CTNNA2: variants seen among roughly 807,000 people sequenced by gnomAD.
CTNNA2 encodes catenin alpha 2, also known as catenin alpha-2.
In CTNNA2, 42 loss-of-function variants were observed where a neutral mutation model predicts 101.0. The observed-to-expected ratio is 0.42, with a 90% CI of 0.32 to 0.54. CTNNA2 has a LOEUF of 0.54. Ranked by LOEUF, CTNNA2 falls within the 20% of genes least tolerant of loss-of-function variation. The pLI is 0.14. For synonymous variants in CTNNA2, 450 were observed against 456.4 expected (o/e 0.99, Z 0.18); for missense variants, 871 against 1,223.1 (o/e 0.71, Z 4.29).
chr2:80,279,771 G>T (rs1674218953), intron 7 of CTNNA2, among the ~76,000 whole-genome samples: 1 of 152,142 alleles, frequency 6.6e-6, no homozygotes, highest in Admixed American at 6.5e-5. Flanking sequence ...GTCAATGCAT[G>T]GAGATTTCTA....
intron 4 of CTNNA2, among the ~76,000 whole-genome samples, chr2:79,466,954 C>A (rs1470237195): frequency 6.6e-6 from 1 of 152,292 alleles, no homozygotes; most frequent in Non-Finnish European, 1.5e-5. Flanking sequence ...TCTGAAAATT[C>A]TAAAAATCAG....
intron 7 of CTNNA2, among the ~76,000 whole-genome samples, chr2:80,230,260 G>GTTTTTT (rs375509574): frequency 9.0e-5 from 11 of 121,624 alleles, no homozygotes; most frequent in African/African-American, 3.6e-4. Context: ...TTTTTTCTTT[G>GTTTTTT]TTTTTTTTTT....
intron 7 of CTNNA2, among the ~76,000 whole-genome samples, chr2:79,940,329 A>T (rs1688069157): frequency 6.6e-6 from 1 of 152,208 alleles, no homozygotes; most frequent in Non-Finnish European, 1.5e-5. Flanking sequence ...AAATTTTCTG[A>T]TGGAAAGGTT....
At chr2:79,541,422 A>ACG (rs1402845997) in intron 1 of CTNNA2, among the ~76,000 whole-genome samples, 5 of 48,582 alleles carry the variant, frequency 1.0e-4, no homozygotes, top group Non-Finnish European at 1.9e-4. Context: ...ACACACGCAC[A>ACG]CACACATATA....
chr2:79,897,997 C>T (rs1207414469), intron 6 of CTNNA2, among the ~76,000 whole-genome samples: 1 of 152,174 alleles, frequency 6.6e-6, no homozygotes, highest in East Asian at 1.9e-4. Flanking sequence ...AGCTATTAAA[C>T]GTGCCACCTC....
intron 7 of CTNNA2, chr2:80,313,606 T>TG (rs1558996947): frequency 3.7e-6 from 6 of 1,611,384 alleles, no homozygotes; most frequent in Non-Finnish European, 4.2e-6. Context: ...GCAAAGTCTG[T>TG]GAAAAAAATA....
chr2:79,755,242 G>A (rs776254251), intron 3 of CTNNA2, among the ~76,000 whole-genome samples: 1 of 152,204 alleles, frequency 6.6e-6, no homozygotes, highest in Non-Finnish European at 1.5e-5. Context: ...GAGGCAGGAG[G>A]ATAGCTTGAG....
intron 4 of CTNNA2, among the ~76,000 whole-genome samples, chr2:79,487,410 G>A (rs1424670715): frequency 6.6e-6 from 1 of 152,208 alleles, no homozygotes; most frequent in East Asian, 1.9e-4. Flanking sequence ...TGGCCTAAGT[G>A]GCTGGCTTGG....
chr2:80,226,354 A>G (rs936241804), intron 7 of CTNNA2, among the ~76,000 whole-genome samples: 5 of 152,214 alleles, frequency 3.3e-5, no homozygotes, highest in Non-Finnish European at 2.9e-5. Flanking sequence ...CCCTATGACT[A>G]GATCTTGAGA....
intron 7 of CTNNA2, among the ~76,000 whole-genome samples, chr2:80,127,661 A>C (rs1309326182): frequency 6.6e-6 from 1 of 152,176 alleles, no homozygotes; most frequent in Non-Finnish European, 1.5e-5. Context: ...GAGATCTGTG[A>C]CTGCAAATTA....
At chr2:79,568,614 G>A (rs555929797) in intron 1 of CTNNA2, among the ~76,000 whole-genome samples, 41 of 151,608 alleles carry the variant, frequency 2.7e-4, no homozygotes, top group South Asian at 1.3e-3. Flanking sequence ...GAAAAGTAAC[G>A]AAAAGAAAAG....
intron 9 of CTNNA2, among the ~76,000 whole-genome samples, chr2:80,488,253 A>G (rs760946960): frequency 2.0e-5 from 3 of 152,104 alleles, no homozygotes; most frequent in Non-Finnish European, 4.4e-5. Flanking sequence ...AAGCCTACTC[A>G]TTTCATAAAT....
chr2:79,247,335 T>C (rs1403301735), intron 2 of CTNNA2, among the ~76,000 whole-genome samples: 1 of 152,234 alleles, frequency 6.6e-6, no homozygotes, highest in East Asian at 1.9e-4. Context: ...TTTGCAAGTA[T>C]CAAATGAAAT....
chr2:79,514,439 A>C (rs1027268684), intron 1 of CTNNA2, among the ~76,000 whole-genome samples: 6 of 152,194 alleles, frequency 3.9e-5, no homozygotes, highest in Admixed American at 2.6e-4. Flanking sequence ...ACCAATGGAA[A>C]AGTTGAATTA....
At chr2:79,794,739 G>A (rs1675562770) in intron 3 of CTNNA2, among the ~76,000 whole-genome samples, 1 of 152,182 alleles carries the variant, frequency 6.6e-6, no homozygotes. Flanking sequence ...ATGAATAAGA[G>A]TAAGTATGTA....
At chr2:80,463,673 A>G (rs1272137559) in intron 9 of CTNNA2, among the ~76,000 whole-genome samples, 1 of 152,204 alleles carries the variant, frequency 6.6e-6, no homozygotes, top group Non-Finnish European at 1.5e-5. Flanking sequence ...TTTCCAATAC[A>G]TTATTGAATT....
chr2:80,250,183 GA>G (rs1178222184), intron 7 of CTNNA2, among the ~76,000 whole-genome samples: 465 of 33,790 alleles, frequency 0.014, 2 homozygotes, highest in Non-Finnish European at 0.044. Flanking sequence ...TGGATGGGGG[GA>G]GAGAGAGAGA....
chr2:80,570,655 A>G (rs1348012648), intron 12 of CTNNA2, among the ~76,000 whole-genome samples: 2 of 152,158 alleles, frequency 1.3e-5, no homozygotes, highest in East Asian at 3.9e-4. Context: ...TTAAGGCTCA[A>G]TTGCACTCTG....
intron 2 of CTNNA2, among the ~76,000 whole-genome samples, chr2:79,695,115 A>G (rs1388437475): frequency 6.6e-6 from 1 of 151,428 alleles, no homozygotes; most frequent in Non-Finnish European, 1.5e-5. Flanking sequence ...AAGTACTAAG[A>G]AGATTTAGAA....
Sources: gnomAD v4.1 joint callset for allele counts (sites outside exome capture counted in the v4.1 genomes callset) on GRCh38, gnomAD v4.1.1 for gene constraint, MANE v1.5 for transcripts, NCBI Gene and HGNC (gene_info 2026-07-23, HGNC 2026-07-21) for gene names.